The following MBP variants were observed in gnomAD, a reference collection of about 807,000 sequenced individuals.
The protein encoded by MBP is myelin basic protein, also known as Golli-MBP.
MBP carries 16 observed loss-of-function variants against 35.8 expected under a neutral mutation model. The ratio of observed to expected loss-of-function variants is 0.45; its 90% CI spans 0.30 to 0.68. MBP has a LOEUF of 0.68. Ranked by LOEUF, MBP falls within the 30% of genes least tolerant of loss-of-function variation. The pLI is 0.08. For missense variants in MBP, 380 were observed against 404.7 expected (o/e 0.94, Z 0.52); for synonymous variants, 143 against 159.6 (o/e 0.90, Z 0.78).
chr18:77,064,713 G>C lies in MBP; in HGVS notation c.139+1585C>G, dbSNP rs142823557. On this transcript the variant is annotated intron_variant, in intron 3 of 8. Transcript: ENST00000355994. ...GTCTAACAGCTGAAATATAAAGAAA[G>C]GCCTTTCCATAAATAAGCAAAGATC... Among the ~76,000 whole-genome samples the C allele has an allele frequency of 4.8e-3, 735 of 152,306 alleles. 6 individuals are homozygous for C. The highest frequency in any genetic ancestry group is 0.017 in the African/African-American group (699 of 41,562).
intron 3 of MBP, among the ~76,000 whole-genome samples, chr18:77,029,793 A>AAACAC (rs1972474607): frequency 7.3e-5 from 11 of 150,530 alleles, no homozygotes; most frequent in African/African-American, 1.2e-4. Context: ...CACACACACA[A>AAACAC]ACACACACAC....
At chr18:77,066,562 A>C (rs1416301244) in intron 2 of MBP, 177 bp from the exon 3 acceptor site, 1 of 760,374 alleles carries the variant, frequency 1.3e-6, no homozygotes. Context: ...AGGATTCGGA[A>C]TTCTGGCTTG....
intron 1 of MBP, among the ~76,000 whole-genome samples, chr18:77,123,739 C>T (rs1225132443): frequency 2.6e-5 from 4 of 152,188 alleles, no homozygotes; most frequent in Non-Finnish European, 4.4e-5. Flanking sequence ...CAGGGGGCCA[C>T]GGCAGATGCT....
Position 76,988,399 on chromosome 18 carries a change from C to T in MBP, c.750+96G>A. 2 of 1,613,936 alleles carry T rather than the reference C, an allele frequency of 1.2e-6. No individual in the cohort carries two copies. The highest frequency in any genetic ancestry group is 1.7e-6 in the Non-Finnish European group (2 of 1,179,876). The stretch of plus-strand genomic sequence containing the variant: ...GGTCTCGAGAGGAGAGAAAAGGAGG[C>T]CAGGAAGCAACCGAAACAGAGCAGA... On this transcript the variant is annotated intron_variant, in intron 7 of 8. Transcript: ENST00000355994. The surrounding 1 kb of genome is among the most constrained non-coding windows in gnomAD (Gnocchi z 5.2).
Position 77,131,914 on chromosome 18 carries a change from C to G in MBP, c.-26+666G>C, listed in dbSNP as rs1266248138. Among the ~76,000 whole-genome samples, 1 of 152,104 alleles carries G rather than the reference C, an allele frequency of 6.6e-6. No individual in the cohort carries two copies. The highest frequency in any genetic ancestry group is 1.5e-5 in the Non-Finnish European group (1 of 67,986). ...ACGGGCCCGGCCGAAGAGCCCGAGA[C>G]AGGCCCTGCGAAGGCGGAAGCCCGG... is the stretch of plus-strand genomic sequence containing the variant. On this transcript the variant is annotated intron_variant, in intron 1 of 8. Transcript: ENST00000355994. This position sits in a 1 kb window ranked among gnomAD's most constrained non-coding sequence, Gnocchi z 5.5.
intron 3 of MBP, among the ~76,000 whole-genome samples, chr18:77,056,220 A>G (rs1026692831): frequency 6.6e-6 from 1 of 152,252 alleles, no homozygotes; most frequent in Non-Finnish European, 1.5e-5. Context: ...TGTGGCTCAC[A>G]GGACCCATAG....
intron 2 of MBP, among the ~76,000 whole-genome samples, chr18:77,092,060 T>C (rs1222013168): frequency 6.6e-6 from 1 of 152,246 alleles, no homozygotes; most frequent in Non-Finnish European, 1.5e-5. Flanking sequence ...TTTTATTAAA[T>C]ATAAAAAAGT....
intron 3 of MBP, among the ~76,000 whole-genome samples, chr18:77,018,774 AT>A (rs1163982266): frequency 8.8e-5 from 13 of 147,520 alleles, no homozygotes; most frequent in African/African-American, 2.6e-4. Flanking sequence ...CCATCCATCC[AT>A]CCATCCACAT....
At chr18:76,992,144 A>C (rs548827214) in intron 4 of MBP, among the ~76,000 whole-genome samples, 10 of 152,264 alleles carry the variant, frequency 6.6e-5, no homozygotes, top group African/African-American at 1.2e-4. Flanking sequence ...GATCCTCTTC[A>C]AAGCAGCGGT....
chr18:76,991,223 G>A (rs470468), intron 4 of MBP, among the ~76,000 whole-genome samples: 32,488 of 152,064 alleles, frequency 0.21, 3,560 homozygotes, highest in East Asian at 0.36. Context: ...GTAAGAGGAA[G>A]CGGAGAGGGA....
Position 77,131,097 on chromosome 18 carries a change from ACACACACACACACACACACACACC to A in MBP, c.-26+1459_-26+1482del, listed in dbSNP as rs1405921166. Among the ~76,000 whole-genome samples the A allele has an allele frequency of 0.027, 2,106 of 79,076 alleles. 23 individuals are homozygous for A. The highest frequency in any genetic ancestry group is 0.077 in the South Asian group (154 of 1,992). 51.9% of individuals were successfully genotyped at this position (79,076 alleles called of 152,430 possible). A position where few individuals can be genotyped will look rare whatever the true frequency, so the allele number is the denominator to read the frequency against. Reference sequence around the variant, plus strand: ...CGCGCACGCACGCGCACACACACACACACACACACACACACACACACACCCCCTCTGCCGCGGTACCCTTCCCCT... The same window carrying A: ...CGCGCACGCACGCGCACACACACACACCCTCTGCCGCGGTACCCTTCCCCT... On this transcript the variant is annotated intron_variant, in intron 1 of 8. Coordinates refer to ENST00000355994, the MANE Select transcript of MBP (RefSeq NM_001025101.2). The surrounding 1 kb of genome is among the most constrained non-coding windows in gnomAD (Gnocchi z 5.5).
intron 2 of MBP, among the ~76,000 whole-genome samples, chr18:77,077,680 T>C (rs749308531): frequency 6.6e-6 from 1 of 152,230 alleles, no homozygotes; most frequent in Non-Finnish European, 1.5e-5. Context: ...TGCAGAGCTG[T>C]CCTGCACCCA....
intron 1 of MBP, among the ~76,000 whole-genome samples, chr18:77,129,421 C>T (rs114495025): frequency 0.024 from 3,604 of 152,274 alleles, 126 homozygotes; most frequent in African/African-American, 0.082. Flanking sequence ...TTCTGGCTGG[C>T]CTGTCCTACA....
intron 4 of MBP, among the ~76,000 whole-genome samples, chr18:76,998,811 C>T (rs1970471920): frequency 6.6e-6 from 1 of 152,152 alleles, no homozygotes; most frequent in Non-Finnish European, 1.5e-5. Context: ...TCCTTTCATG[C>T]AGCCCCTTGG....
At chr18:76,986,565 A>C in intron 7 of MBP, 1 of 985,630 alleles carries the variant, frequency 1.0e-6, no homozygotes, top group Non-Finnish European at 1.2e-6. Flanking sequence ...TGAACAGTTG[A>C]TTCGGGGGCT....
At chr18:77,121,315 A>T (rs960989333) in intron 1 of MBP, among the ~76,000 whole-genome samples, 2 of 140,280 alleles carry the variant, frequency 1.4e-5, no homozygotes, top group African/African-American at 2.7e-5. Context: ...GTCTCAAAAA[A>T]AAAAAAATAA....
Position 77,105,162 on chromosome 18 carries a change from T to C in MBP, c.51+49A>G, listed in dbSNP as rs28384331. ...CTCTGACACACCAAGGGGATTTGTG[T>C]TTAATAAGAAAACAACATGCACATG... On this transcript the variant is annotated intron_variant, in intron 2 of 8. Coordinates refer to ENST00000355994, the MANE Select transcript of MBP (RefSeq NM_001025101.2). 429 of 1,592,938 alleles carry C rather than the reference T, an allele frequency of 2.7e-4. 1 individual carries two copies. The African/African-American group carries it at 5.2e-3, about 19-fold the overall frequency.
chr18:77,000,956 A>G (rs1303132244), intron 4 of MBP, among the ~76,000 whole-genome samples: 1 of 152,040 alleles, frequency 6.6e-6, no homozygotes, highest in Non-Finnish European at 1.5e-5. Flanking sequence ...ATTTGAAAAA[A>G]GATTAATATT....
chr18:77,128,804 G>A lies in MBP; in HGVS notation c.-26+3776C>T, dbSNP rs142839062. The stretch of plus-strand genomic sequence containing the variant: ...CACAGACCAGGTTTTCCCTAGAGGA[G>A]ATACCTAGAAGTGGAATTGTTAGAT... On this transcript the variant is annotated intron_variant, in intron 1 of 8. Transcript: ENST00000355994. Among the ~76,000 whole-genome samples, 224 of 152,310 alleles carry A rather than the reference G, an allele frequency of 1.5e-3. 2 individuals are homozygous for A. The highest frequency in any genetic ancestry group is 6.8e-3 in the Middle Eastern group (2 of 294).
Sources: allele counts gnomAD v4.1 joint callset (sites outside exome capture counted in the v4.1 genomes callset), GRCh38; gene constraint gnomAD v4.1.1; non-coding constraint Gnocchi (gnomAD v3.1); transcripts MANE v1.5; gene names NCBI Gene and HGNC (gene_info 2026-07-23, HGNC 2026-07-21).